The following BMERB1 variants were observed in gnomAD, a reference collection of about 807,000 sequenced individuals.
BMERB1 encodes the protein bMERB domain-containing protein 1.
In BMERB1, 12 loss-of-function variants were observed where a neutral mutation model predicts 23.6. That is an observed-to-expected ratio of 0.51 (90% CI 0.33 to 0.82). The LOEUF (loss-of-function observed/expected upper bound fraction) is 0.82, where lower values mean the gene tolerates loss of function less well. Ranked by LOEUF, BMERB1 falls within the 40% of genes least tolerant of loss-of-function variation. The pLI is 0.03. For synonymous variants in BMERB1, 122 were observed against 96.6 expected (o/e 1.26, Z -1.54); for missense variants, 247 against 255.4 (o/e 0.97, Z 0.22).
At chr16:15,563,992 G>A (rs2030498100) in intron 2 of BMERB1, among the ~76,000 whole-genome samples, 1 of 152,064 alleles carries the variant, frequency 6.6e-6, no homozygotes, top group South Asian at 2.1e-4. Context: ...TTCCTGGACA[G>A]CTGGTTGTTA....
At chr16:15,464,963 C>T (rs756342584) in intron 1 of BMERB1, among the ~76,000 whole-genome samples, 1 of 152,114 alleles carries the variant, frequency 6.6e-6, no homozygotes, top group East Asian at 1.9e-4. Context: ...TGGAGTCACT[C>T]TGGTTCAAAT....
intron 2 of BMERB1, among the ~76,000 whole-genome samples, chr16:15,562,068 G>A (rs1413616730): frequency 6.6e-6 from 1 of 151,838 alleles, no homozygotes; most frequent in African/African-American, 2.4e-5. Context: ...AGCACTTTGG[G>A]AAGCTGAGGC....
At chr16:15,553,223 G>A (rs947044113) in intron 2 of BMERB1, among the ~76,000 whole-genome samples, 3 of 152,220 alleles carry the variant, frequency 2.0e-5, no homozygotes, top group Admixed American at 2.0e-4. Flanking sequence ...GGCTAGGCTG[G>A]TCTTGAACTC....
chr16:15,500,872 G>A (rs1055080404), intron 1 of BMERB1, among the ~76,000 whole-genome samples: 2 of 152,056 alleles, frequency 1.3e-5, no homozygotes, highest in South Asian at 4.1e-4. Flanking sequence ...GGCTGGTGTC[G>A]ATCTCCTGAC....
intron 1 of BMERB1, among the ~76,000 whole-genome samples, chr16:15,444,497 T>C (rs541344822): frequency 3.9e-5 from 6 of 152,150 alleles, no homozygotes; most frequent in African/African-American, 1.4e-4. Context: ...GTAAAATGGG[T>C]ATAGTGATTT....
rs1454243735 is a variant in BMERB1 at position 15,583,155 on chromosome 16, G to T, written c.420-1G>T. The T allele has an allele frequency of 6.2e-7, 1 of 1,610,690 alleles. No individual in the cohort carries two copies. The highest frequency in any genetic ancestry group is 2.2e-5 in the East Asian group (1 of 44,876). The stretch of plus-strand genomic sequence containing the variant: ...TTTCTTTTACCCATCTACTTTCACA[G>T]GGAGCAAGAAGAAGACAAGGAAATG... On this transcript the variant is annotated splice_acceptor_variant, in intron 4 of 5. Transcript: ENST00000300006. LOFTEE classifies it high-confidence loss of function.
intron 1 of BMERB1, among the ~76,000 whole-genome samples, chr16:15,505,369 T>C (rs758723107): frequency 2.6e-5 from 4 of 152,232 alleles, no homozygotes; most frequent in Non-Finnish European, 4.4e-5. Flanking sequence ...AATTTGGTGC[T>C]AGCTTTGTCT....
intron 1 of BMERB1, among the ~76,000 whole-genome samples, chr16:15,465,971 A>G (rs1455703461): frequency 3.9e-5 from 6 of 152,188 alleles, no homozygotes; most frequent in African/African-American, 7.2e-5. Flanking sequence ...ATATACCACA[A>G]ATTCTTCAAC....
chr16:15,528,252 C>A (rs1031464183), intron 2 of BMERB1, among the ~76,000 whole-genome samples: 3 of 152,048 alleles, frequency 2.0e-5, no homozygotes, highest in Admixed American at 6.5e-5. Context: ...CGCCTTGCTT[C>A]TGTGATCTCC....
At chr16:15,549,676 TAAA>T (rs768470162) in intron 2 of BMERB1, among the ~76,000 whole-genome samples, 1 of 130,644 alleles carries the variant, frequency 7.7e-6, no homozygotes, top group African/African-American at 2.8e-5. Flanking sequence ...AGACATTGTC[TAAA>T]AAAAAAAAAA....
intron 2 of BMERB1, among the ~76,000 whole-genome samples, chr16:15,538,455 G>GAA (rs113043732): frequency 1.4e-5 from 2 of 140,428 alleles, no homozygotes; most frequent in Non-Finnish European, 1.6e-5. Flanking sequence ...CTGTCTCAAA[G>GAA]AAAAAAAAAA....
At chr16:15,560,808 A>T (rs1384129736) in intron 2 of BMERB1, among the ~76,000 whole-genome samples, 1 of 149,460 alleles carries the variant, frequency 6.7e-6, no homozygotes, top group South Asian at 2.1e-4. Context: ...AAAATAAAAT[A>T]AAATAAATAA....
chr16:15,445,648 A>T (rs1180137647), intron 1 of BMERB1, among the ~76,000 whole-genome samples: 1 of 152,228 alleles, frequency 6.6e-6, no homozygotes, highest in Non-Finnish European at 1.5e-5. Flanking sequence ...AGTGCTGGAG[A>T]GGATGTAGAT....
At chr16:15,548,586 C>A (rs1185584916) in intron 2 of BMERB1, among the ~76,000 whole-genome samples, 1 of 152,144 alleles carries the variant, frequency 6.6e-6, no homozygotes, top group East Asian at 1.9e-4. Flanking sequence ...ACCTCCCTCC[C>A]CTGCTTCCAG....
chr16:15,488,984 A>G (rs925295078), intron 1 of BMERB1, among the ~76,000 whole-genome samples: 3 of 150,822 alleles, frequency 2.0e-5, no homozygotes, highest in Admixed American at 6.6e-5. Context: ...TCCAAAGTCT[A>G]TCTGTTTATC....
chr16:15,569,575 G>A (rs1441030477), intron 3 of BMERB1, among the ~76,000 whole-genome samples: 4 of 152,176 alleles, frequency 2.6e-5, no homozygotes, highest in Non-Finnish European at 5.9e-5. Context: ...TTCAATATGA[G>A]ATTTGGGCGG....
At chr16:15,521,087 T>C (rs1328917236) in intron 2 of BMERB1, among the ~76,000 whole-genome samples, 2 of 152,212 alleles carry the variant, frequency 1.3e-5, no homozygotes, top group Non-Finnish European at 2.9e-5. Flanking sequence ...TGTAAACTCC[T>C]AGTTTTAGTT....
intron 1 of BMERB1, among the ~76,000 whole-genome samples, chr16:15,509,819 C>G (rs2051639680): frequency 1.3e-5 from 2 of 152,192 alleles, no homozygotes; most frequent in Non-Finnish European, 2.9e-5. Context: ...TCATGTGCAT[C>G]TTAAAACATC....
chr16:15,508,359 TG>T (rs746709026), intron 1 of BMERB1, among the ~76,000 whole-genome samples: 2 of 152,120 alleles, frequency 1.3e-5, no homozygotes, highest in Non-Finnish European at 2.9e-5. Context: ...TGAGGCTTCG[TG>T]GGCCAGGGAG....
Sources: allele counts gnomAD v4.1 joint callset (sites outside exome capture counted in the v4.1 genomes callset), GRCh38; gene constraint gnomAD v4.1.1; transcripts MANE v1.5; gene names NCBI Gene and HGNC (gene_info 2026-07-23, HGNC 2026-07-21).